The following SLC14A2 variants were observed in gnomAD, a reference collection of about 807,000 sequenced individuals.
SLC14A2 encodes the protein solute carrier family 14 member 2, also known as urea transporter 2.
Under a neutral mutation model 104.6 loss-of-function variants are expected in SLC14A2, and 91 were observed. That is an observed-to-expected ratio of 0.87 (90% CI 0.73 to 1.04). The LOEUF (loss-of-function observed/expected upper bound fraction) is 1.04. Among genes scored for constraint, SLC14A2 ranks in the 50% least tolerant of loss-of-function variants. The probability of loss-of-function intolerance (pLI) is 0.00; values close to 1 mark genes in which losing one functional copy is unlikely to be tolerated. For missense variants in SLC14A2, 1,189 were observed against 1,156.0 expected (o/e 1.03, Z -0.41); for synonymous variants, 476 against 466.4 (o/e 1.02, Z -0.27).
chr18:45,219,003 T>C (rs2084037217), intron 1 of SLC14A2, among the ~76,000 whole-genome samples: 1 of 152,130 alleles, frequency 6.6e-6, no homozygotes, highest in African/African-American at 2.4e-5. Context: ...ATATGCTGGA[T>C]TAAAACAAGG....
intron 2 of SLC14A2, among the ~76,000 whole-genome samples, chr18:45,570,655 C>A (rs1315861457): frequency 2.0e-5 from 3 of 152,240 alleles, no homozygotes; most frequent in Admixed American, 6.5e-5. Flanking sequence ...GTCCTCCCAT[C>A]CAGGACCACA....
chr18:45,364,428 A>G (rs9957020), intron 1 of SLC14A2, among the ~76,000 whole-genome samples: 77,335 of 152,100 alleles, frequency 0.51, 23,505 homozygotes, highest in African/African-American at 0.86. Context: ...TCACTGTGAG[A>G]GTAGAAGAGA....
chr18:45,645,722 CAA>C (rs919670213), intron 10 of SLC14A2, among the ~76,000 whole-genome samples: 1 of 125,512 alleles, frequency 8.0e-6, no homozygotes, highest in African/African-American at 2.8e-5. Context: ...TTCTCTTTGG[CAA>C]AGTCTTAACC....
At chr18:45,673,131 A>T in intron 17 of SLC14A2, 84 bp downstream of exon 17, 1 of 1,280,254 alleles carries the variant, frequency 7.8e-7, no homozygotes, top group Non-Finnish European at 1.1e-6. Context: ...CATCTTCAAC[A>T]CTCCACCTGC....
chr18:45,640,188 A>G (rs567782923), intron 7 of SLC14A2, among the ~76,000 whole-genome samples: 3 of 151,972 alleles, frequency 2.0e-5, no homozygotes, highest in Admixed American at 1.3e-4. Context: ...AGGCAGGAGA[A>G]TCACTTGAAC....
chr18:45,451,836 G>C (rs1052017314), intron 1 of SLC14A2, among the ~76,000 whole-genome samples: 1 of 152,078 alleles, frequency 6.6e-6, no homozygotes, highest in African/African-American at 2.4e-5. Flanking sequence ...AAAAGACCAA[G>C]TACATTCTGT....
chr18:45,356,339 G>T (rs936048723), intron 1 of SLC14A2, among the ~76,000 whole-genome samples: 3 of 152,190 alleles, frequency 2.0e-5, no homozygotes, highest in African/African-American at 7.2e-5. Context: ...CTACTATTAT[G>T]ACTATGATTT....
rs1437736216 is a variant in SLC14A2, at chr18:45,632,452, T to C, written c.624T>C (p.Phe208=). Residue 208 remains phenylalanine (F), a synonymous_variant, in exon 5 of 20, where the codon TTT becomes TTC. Transcript: ENST00000255226. Reference sequence around the variant, plus strand: ...TAGACTACTACTGGTGGCTTCTGTTTCCTGTGACCTTCACAGCCATGTCCT... The same window carrying C: ...TAGACTACTACTGGTGGCTTCTGTTCCCTGTGACCTTCACAGCCATGTCCT... ...EKLDYYWWLL[F]PVTFTAMSCP... The C allele has an allele frequency of 1.2e-6, 2 of 1,614,068 alleles. No individual in the cohort carries two copies. Among genetic ancestry groups the C allele is most frequent in the East Asian group, 4.5e-5 (2 of 44,878 alleles).
intron 2 of SLC14A2, among the ~76,000 whole-genome samples, chr18:45,494,433 T>C (rs1255894556): frequency 6.6e-6 from 1 of 152,204 alleles, no homozygotes; most frequent in Non-Finnish European, 1.5e-5. Flanking sequence ...TTTCTCACTC[T>C]GTCACCCAGG....
At chr18:45,299,644 TAG>T (rs1256563152) in intron 1 of SLC14A2, among the ~76,000 whole-genome samples, 1 of 152,180 alleles carries the variant, frequency 6.6e-6, no homozygotes. Flanking sequence ...GTATTTTTAG[TAG>T]AGACAGGGTT....
chr18:45,274,552 G>A (rs1010754829), intron 1 of SLC14A2, among the ~76,000 whole-genome samples: 3 of 152,136 alleles, frequency 2.0e-5, no homozygotes, highest in Admixed American at 1.3e-4. Flanking sequence ...ATCTTGTTAC[G>A]CTGCCTTTGT....
At chr18:45,308,819 A>G (rs922816140) in intron 1 of SLC14A2, among the ~76,000 whole-genome samples, 1 of 152,190 alleles carries the variant, frequency 6.6e-6, no homozygotes, top group Admixed American at 6.5e-5. Context: ...CAAAAACACA[A>G]TGCTTTAAAA....
rs140109786 is a variant in SLC14A2 at position 45,324,270 on chromosome 18, G to T, written c.-125+111079G>T. On this transcript the variant is annotated intron_variant, in intron 1 of 20. Transcript: ENST00000586448. Reference sequence around the variant, plus strand: ...TTCTCCAGGCATTTTTTTAAACCACGCCATGGTGGCAGCCACTGTTTCCTT... The same window carrying T: ...TTCTCCAGGCATTTTTTTAAACCACTCCATGGTGGCAGCCACTGTTTCCTT... 4.1e-3 allele frequency among the ~76,000 whole-genome samples: 620 copies of T among 152,198 alleles called. 8 individuals carry two copies. The highest frequency in any genetic ancestry group is 0.014 in the African/African-American group (590 of 41,518).
intron 2 of SLC14A2, among the ~76,000 whole-genome samples, chr18:45,502,258 A>T (rs554166713): frequency 2.8e-4 from 42 of 152,344 alleles, no homozygotes; most frequent in Admixed American, 1.4e-3. Context: ...CTTGGGGGGA[A>T]ATCTTTGAGA....
At chr18:45,616,139 G>C (rs940070879) in intron 1 of SLC14A2, among the ~76,000 whole-genome samples, 1 of 152,162 alleles carries the variant, frequency 6.6e-6, no homozygotes, top group African/African-American at 2.4e-5. Flanking sequence ...GTAGAACCGA[G>C]GGAGATTGAG....
At chr18:45,468,490 G>A (rs2087185252) in intron 1 of SLC14A2, among the ~76,000 whole-genome samples, 2 of 151,948 alleles carry the variant, frequency 1.3e-5, no homozygotes, top group Admixed American at 1.3e-4. Context: ...CCTCCCTTGT[G>A]CCAGTGACAT....
chr18:45,378,891 G>C (rs1368604824), intron 1 of SLC14A2, among the ~76,000 whole-genome samples: 2 of 152,104 alleles, frequency 1.3e-5, no homozygotes, highest in African/African-American at 2.4e-5. Flanking sequence ...GATTACAGGC[G>C]TGAGCCACCG....
chr18:45,652,539 T>C (rs1020961590), intron 10 of SLC14A2, among the ~76,000 whole-genome samples: 2 of 152,320 alleles, frequency 1.3e-5, no homozygotes. Flanking sequence ...TTGGGCCCTT[T>C]CCCTTGGAGG....
chr18:45,654,464 GGA>G (rs1481196789), intron 10 of SLC14A2, among the ~76,000 whole-genome samples: 1 of 152,128 alleles, frequency 6.6e-6, no homozygotes, highest in Non-Finnish European at 1.5e-5. Flanking sequence ...AAGTCCTGGG[GGA>G]GAGAGCTGAA....
Sources: gnomAD v4.1 joint callset for allele counts (sites outside exome capture counted in the v4.1 genomes callset) on GRCh38, gnomAD v4.1.1 for gene constraint, MANE v1.5 for transcripts, NCBI Gene and HGNC (gene_info 2026-07-23, HGNC 2026-07-21) for gene names.